The following KLHL15 variants were observed in gnomAD, a reference collection of about 807,000 sequenced individuals.
The protein encoded by KLHL15 is kelch-like protein 15.
A neutral mutation model predicts 29.3 loss-of-function variants in KLHL15; 1 was observed. The observed-to-expected ratio is 0.03, with a 90% CI of 0.01 to 0.16. KLHL15 has a LOEUF of 0.16. Among genes scored for constraint, KLHL15 ranks in the 10% least tolerant of loss-of-function variants. The probability of loss-of-function intolerance (pLI) is 1.00; values close to 1 mark genes in which losing one functional copy is unlikely to be tolerated. For synonymous variants in KLHL15, 212 were observed against 184.5 expected, an observed-to-expected ratio of 1.15 and a Z score of -1.21; for missense variants, 215 against 478.5, an observed-to-expected ratio of 0.45 and a Z score of 5.14.
intron 3 of KLHL15, among the ~76,000 whole-genome samples, chrX:24,002,713 G>T (rs1474437468): frequency 9.2e-6 from 1 of 108,534 alleles, no homozygotes; most frequent in Non-Finnish European, 1.9e-5. Context: ...CTGCAACCTC[G>T]ACCTCCTGGG....
At chrX:23,999,336 C>T (rs764912511) in intron 3 of KLHL15, among the ~76,000 whole-genome samples, 765 of 109,856 alleles carry the variant, frequency 7.0e-3, no homozygotes, top group Middle Eastern at 0.014. Flanking sequence ...TGGCTCATGC[C>T]TGTAATCCCA....
chrX:24,013,071 C>CT (rs1243578853), intron 2 of KLHL15, among the ~76,000 whole-genome samples: 2 of 111,371 alleles, frequency 1.8e-5, no homozygotes, highest in Non-Finnish European at 3.8e-5. Context: ...TAAAAGTAAG[C>CT]TACAAGTTTG....
intron 2 of KLHL15, among the ~76,000 whole-genome samples, chrX:24,016,984 C>A (rs774346607): frequency 8.1e-4 from 90 of 110,620 alleles, no homozygotes; most frequent in Admixed American, 1.7e-3. Flanking sequence ...TATTCAAGGT[C>A]ATAGAACTAG....
At chrX:24,007,508 A>AT (rs1555977010) in intron 2 of KLHL15, among the ~76,000 whole-genome samples, 2,159 of 35,393 alleles carry the variant, frequency 0.061, 80 homozygotes, top group Non-Finnish European at 0.078. Context: ...AAAAAAAAAA[A>AT]ATATATATAT....
intron 1 of KLHL15, among the ~76,000 whole-genome samples, chrX:24,025,517 G>C (rs1434159415): frequency 4.7e-5 from 5 of 107,031 alleles, no homozygotes; most frequent in African/African-American, 1.7e-4. Flanking sequence ...CACGCTGGGA[G>C]AGAGGGCGGA....
chrX:24,014,082 T>A, intron 2 of KLHL15, among the ~76,000 whole-genome samples: 1 of 96,382 alleles, frequency 1.0e-5, no homozygotes, highest in African/African-American at 4.0e-5. Context: ...ATAGACCCCA[T>A]CTCTAACAAA....
chrX:24,001,837 A>G (rs753438535), intron 3 of KLHL15, among the ~76,000 whole-genome samples: 123 of 104,141 alleles, frequency 1.2e-3, no homozygotes, highest in East Asian at 0.012. Flanking sequence ...AGAAGAAGAA[A>G]AAAATATATA....
At chrX:23,994,055 AAAAAAAAG>A (rs1929138887) in intron 3 of KLHL15, among the ~76,000 whole-genome samples, 1 of 108,569 alleles carries the variant, frequency 9.2e-6, no homozygotes, top group Non-Finnish European at 1.9e-5. Context: ...TCAAAAAAAA[AAAAAAAAG>A]AAAAAAAGAA....
In KLHL15 at chrX:24,025,029, T is replaced by C. The variant is rs1929892056; in HGVS notation, c.-180A>G. The C allele has an allele frequency of 3.4e-6, 1 of 295,824 alleles. No homozygotes were observed. The highest frequency in any genetic ancestry group is 2.7e-5 in the African/African-American group (1 of 36,587). The allele number at this position is 295,824 out of a possible 1,213,427, so 24.4% of individuals were successfully genotyped here. On this transcript the variant is annotated 5_prime_UTR_variant, in exon 2 of 4. Coordinates refer to ENST00000328046, the MANE Select transcript of KLHL15 (RefSeq NM_030624.3). ...GGGTCGCTCCGGCGGGGCACGAGAG[T>C]GCTCGCCTGCAGCCCCCTCTGGATA... is the stretch of plus-strand genomic sequence containing the variant.
chrX:24,020,896 G>A (rs1314242886), intron 2 of KLHL15, among the ~76,000 whole-genome samples: 2 of 109,329 alleles, frequency 1.8e-5, no homozygotes, highest in South Asian at 4.3e-4. Context: ...TTGCTGTTAT[G>A]ATACAGATTT....
chrX:23,984,749 T>A lies in KLHL15; in HGVS notation c.*3172A>T, dbSNP rs996473961. 1 of 112,409 alleles carries A rather than the reference T, an allele frequency of 8.9e-6. No homozygotes were observed. Among genetic ancestry groups the A allele is most frequent in the African/African-American group, 3.2e-5 (1 of 31,016 alleles). The allele number at this position is 112,409 out of a possible 1,213,427, so 9.3% of individuals were successfully genotyped here. A position where few individuals can be genotyped will look rare whatever the true frequency, so the allele number is the denominator to read the frequency against. On this transcript the variant is annotated 3_prime_UTR_variant, in exon 4 of 4. Transcript: ENST00000328046. ...TTATAAAATATTTTAAAGCTTAGTT[T>A]CATGTAATTAAGACAAAACTCCATT...
At chrX:24,000,937 T>C (rs1002797967) in intron 3 of KLHL15, among the ~76,000 whole-genome samples, 1 of 112,482 alleles carries the variant, frequency 8.9e-6, no homozygotes, top group Non-Finnish European at 1.9e-5. Context: ...TTTTAAAATG[T>C]AGCTTTTAAA....
chrX:24,001,088 TA>T (rs1320978689), intron 3 of KLHL15, among the ~76,000 whole-genome samples: 2 of 111,770 alleles, frequency 1.8e-5, no homozygotes, highest in African/African-American at 6.5e-5. Context: ...AAAAGTACAT[TA>T]GGGGGTCTAT....
Position 23,985,599 on chromosome X carries a change from T to C in KLHL15, c.*2322A>G, listed in dbSNP as rs965459138. 3.6e-5 allele frequency: 4 copies of C among 112,479 alleles called. No homozygotes were observed. Among genetic ancestry groups the C allele is most frequent in the African/African-American group, 1.3e-4 (4 of 31,023 alleles). 9.3% of individuals were successfully genotyped at this position (112,479 alleles called of 1,213,427 possible). On this transcript the variant is annotated 3_prime_UTR_variant, in exon 4 of 4. Transcript: ENST00000328046. Reference sequence around the variant, plus strand: ...CCAGAGTTAGTTCAAGTTAAGATTTTACGAATTTTACAAAACATGAACTTT... The same window carrying C: ...CCAGAGTTAGTTCAAGTTAAGATTTCACGAATTTTACAAAACATGAACTTT...
At chrX:23,999,498 C>T (rs946050150) in intron 3 of KLHL15, among the ~76,000 whole-genome samples, 3 of 104,686 alleles carry the variant, frequency 2.9e-5, no homozygotes, top group African/African-American at 1.1e-4. Context: ...GGGAGGCTGA[C>T]ACAGGAGAAT....
chrX:24,015,350 A>G (rs1300289749), intron 2 of KLHL15, among the ~76,000 whole-genome samples: 1 of 112,509 alleles, frequency 8.9e-6, no homozygotes, highest in Non-Finnish European at 1.9e-5. Flanking sequence ...AGCTACTTTT[A>G]AAGTCTCAGC....
intron 3 of KLHL15, among the ~76,000 whole-genome samples, chrX:23,992,117 T>C (rs996144832): frequency 2.7e-5 from 3 of 111,935 alleles, no homozygotes; most frequent in African/African-American, 6.5e-5. Flanking sequence ...TTAAGCACCA[T>C]GTCTGGTGAT....
rs1929890711 is a variant in KLHL15, at chrX:24,024,980, GAGC to G, written c.-134_-132del. The G allele has an allele frequency of 1.0e-5, 3 of 297,296 alleles. No homozygotes were observed. Among genetic ancestry groups the G allele is most frequent in the East Asian group, 9.5e-5 (2 of 20,989 alleles). 24.5% of individuals were successfully genotyped at this position (297,296 alleles called of 1,213,427 possible). A position where few individuals can be genotyped will look rare whatever the true frequency, so the allele number is the denominator to read the frequency against. ...CTCGGCAGGCTCCTCGGACGTCTAC[GAGC>G]AGCCGCTCCCGGCACGAGCCGGGTC... is the stretch of plus-strand genomic sequence containing the variant. On this transcript the variant is annotated 5_prime_UTR_variant, in exon 2 of 4. Transcript: ENST00000328046.
intron 3 of KLHL15, among the ~76,000 whole-genome samples, chrX:24,003,647 ATGTGTGTG>A (rs10693389): frequency 0.023 from 2,207 of 96,426 alleles, 65 homozygotes; most frequent in African/African-American, 0.084. Context: ...GCATAAATAT[ATGTGTGTG>A]TGTGTGTGTG....
Sources: gnomAD v4.1 joint callset for allele counts (sites outside exome capture counted in the v4.1 genomes callset) on GRCh38, gnomAD v4.1.1 for gene constraint, MANE v1.5 for transcripts, NCBI Gene and HGNC (gene_info 2026-07-23, HGNC 2026-07-21) for gene names.